RGS17: variants seen among roughly 807,000 people sequenced by gnomAD.
The protein encoded by RGS17 is regulator of G protein signaling 17.
In RGS17, 12 loss-of-function variants were observed where a neutral mutation model predicts 25.5. The ratio of observed to expected loss-of-function variants is 0.47; its 90% CI spans 0.30 to 0.76. RGS17 has a LOEUF of 0.76. RGS17 is among the 30% of genes least tolerant of loss of function. The pLI is 0.07. For missense variants in RGS17, 196 were observed against 242.2 expected, an observed-to-expected ratio of 0.81 and a Z score of 1.27; for synonymous variants, 71 against 76.9, an observed-to-expected ratio of 0.92 and a Z score of 0.40.
In RGS17 at chr6:153,024,246, T is replaced by A; in HGVS notation, c.444+16A>T. On this transcript the variant is annotated intron_variant, in intron 4 of 4. Transcript: ENST00000206262. ...TGGTCTTAGGAAGCCCACCTCAATGTTTTCCAGATTTTTACCTCTTTTGGT... is the reference window on the plus strand; with the variant it reads ...TGGTCTTAGGAAGCCCACCTCAATGATTTCCAGATTTTTACCTCTTTTGGT... The A allele has an allele frequency of 6.4e-7, 1 of 1,566,028 alleles. No homozygotes were observed. Among genetic ancestry groups the A allele is most frequent in the Non-Finnish European group, 8.8e-7 (1 of 1,140,852 alleles).
intron 3 of RGS17, 141 bp from the exon 4 acceptor site, chr6:153,024,637 A>T (rs1302912947): frequency 1.6e-6 from 1 of 644,586 alleles, no homozygotes. Flanking sequence ...GTCCAGCCTG[A>T]TGTGCCAAAT....
chr6:153,101,737 G>A (rs751243860), intron 1 of RGS17, among the ~76,000 whole-genome samples: 9 of 152,072 alleles, frequency 5.9e-5, no homozygotes, highest in Non-Finnish European at 1.2e-4. Flanking sequence ...TTGTGATAGT[G>A]AGTGAGTTCT....
chr6:153,084,650 G>A (rs1160490290), intron 1 of RGS17, among the ~76,000 whole-genome samples: 1 of 152,196 alleles, frequency 6.6e-6, no homozygotes, highest in Non-Finnish European at 1.5e-5. Flanking sequence ...TCAGAAGACT[G>A]GAATACAGTC....
At chr6:153,081,798 G>C (rs1206451879) in intron 1 of RGS17, among the ~76,000 whole-genome samples, 1 of 152,128 alleles carries the variant, frequency 6.6e-6, no homozygotes, top group Non-Finnish European at 1.5e-5. Flanking sequence ...GAAAAGGAAA[G>C]AAAGTATTTC....
At chr6:153,105,604 A>G (rs1165101611) in intron 1 of RGS17, among the ~76,000 whole-genome samples, 1 of 152,156 alleles carries the variant, frequency 6.6e-6, no homozygotes, top group Non-Finnish European at 1.5e-5. Flanking sequence ...ATTTAAAAAA[A>G]TGCTTGAGGT....
At chr6:153,076,625 G>A (rs919664837) in intron 1 of RGS17, among the ~76,000 whole-genome samples, 1 of 152,184 alleles carries the variant, frequency 6.6e-6, no homozygotes, top group Non-Finnish European at 1.5e-5. Flanking sequence ...CCAGACAGTA[G>A]AGAAATGCTT....
intron 1 of RGS17, among the ~76,000 whole-genome samples, chr6:153,050,704 C>T (rs1165765573): frequency 6.6e-6 from 1 of 152,126 alleles, no homozygotes; most frequent in Non-Finnish European, 1.5e-5. Context: ...TGACAAATTC[C>T]ATTTTTATGT....
At chr6:153,033,587 G>A (rs778497325) in intron 2 of RGS17, among the ~76,000 whole-genome samples, 20 of 151,978 alleles carry the variant, frequency 1.3e-4, no homozygotes, top group South Asian at 4.1e-4. Context: ...GCATAGTGGC[G>A]TGCGCCTGTA....
intron 1 of RGS17, among the ~76,000 whole-genome samples, chr6:153,080,171 G>A (rs1016402566): frequency 2.6e-5 from 4 of 151,886 alleles, no homozygotes; most frequent in African/African-American, 7.3e-5. Context: ...TAGTAGAGAC[G>A]GGGTTTCACC....
intron 1 of RGS17, among the ~76,000 whole-genome samples, chr6:153,063,690 T>G (rs1192810791): frequency 6.6e-6 from 1 of 152,122 alleles, no homozygotes; most frequent in African/African-American, 2.4e-5. Flanking sequence ...AACAGAGAAC[T>G]TCCCAAACCT....
At chr6:153,079,142 A>C (rs1300271668) in intron 1 of RGS17, among the ~76,000 whole-genome samples, 3 of 151,910 alleles carry the variant, frequency 2.0e-5, no homozygotes. Context: ...GCAGTGGTCC[A>C]ATGTGGCTCA....
chr6:153,120,630 C>T (rs1266288928), intron 1 of RGS17, among the ~76,000 whole-genome samples: 1 of 152,206 alleles, frequency 6.6e-6, no homozygotes, highest in African/African-American at 2.4e-5. Context: ...CGGTAATCCT[C>T]CGCTTAGAGA....
intron 1 of RGS17, among the ~76,000 whole-genome samples, chr6:153,079,140 C>A (rs916372386): frequency 1.3e-5 from 2 of 151,318 alleles, no homozygotes; most frequent in Non-Finnish European, 2.9e-5. Flanking sequence ...GTGCAGTGGT[C>A]CAATGTGGCT....
intron 1 of RGS17, among the ~76,000 whole-genome samples, chr6:153,128,612 T>C (rs1777740648): frequency 6.6e-6 from 1 of 152,232 alleles, no homozygotes; most frequent in Non-Finnish European, 1.5e-5. Flanking sequence ...TTTACTTGGC[T>C]GTTACAGTAA....
At chr6:153,070,980 C>CACATGTGTGTATATATGT (rs1344313502) in intron 1 of RGS17, among the ~76,000 whole-genome samples, 1 of 148,046 alleles carries the variant, frequency 6.8e-6, no homozygotes, top group East Asian at 2.0e-4. Context: ...TATATGTACA[C>CACATGTGTGTATATATGT]ACATGTGTGT....
intron 1 of RGS17, among the ~76,000 whole-genome samples, chr6:153,126,981 G>A (rs1375544122): frequency 6.6e-6 from 1 of 152,166 alleles, no homozygotes; most frequent in Non-Finnish European, 1.5e-5. Flanking sequence ...CCAGGGACCG[G>A]TTTCATGGAA....
intron 1 of RGS17, among the ~76,000 whole-genome samples, chr6:153,102,050 G>A (rs1410031775): frequency 2.0e-5 from 3 of 152,168 alleles, no homozygotes; most frequent in Non-Finnish European, 1.5e-5. Context: ...TGGCATTTCT[G>A]CCATCAATGC....
intron 1 of RGS17, among the ~76,000 whole-genome samples, chr6:153,072,465 T>G (rs1159825985): frequency 6.6e-6 from 1 of 152,198 alleles, no homozygotes; most frequent in African/African-American, 2.4e-5. Flanking sequence ...AACAAACCTA[T>G]AGGGTAGACA....
At chr6:153,069,080 T>C (rs1776746799) in intron 1 of RGS17, among the ~76,000 whole-genome samples, 1 of 152,204 alleles carries the variant, frequency 6.6e-6, no homozygotes, top group African/African-American at 2.4e-5. Flanking sequence ...AGCTACCATA[T>C]GATCCAGCAA....
Sources: gnomAD v4.1 joint callset for allele counts (sites outside exome capture counted in the v4.1 genomes callset) on GRCh38, gnomAD v4.1.1 for gene constraint, MANE v1.5 for transcripts, NCBI Gene and HGNC (gene_info 2026-07-23, HGNC 2026-07-21) for gene names.